Variants in SDK1 observed in about 807,000 individuals in gnomAD.
SDK1 encodes the protein protein sidekick-1.
Under a neutral mutation model 245.5 loss-of-function variants are expected in SDK1, and 157 were observed. That is an observed-to-expected ratio of 0.64 (90% confidence interval 0.56 to 0.73). The LOEUF is 0.73. SDK1 is among the 30% of genes least tolerant of loss of function. The pLI is 0.00. For missense variants in SDK1, 3,583 were observed against 3,002.3 expected (o/e 1.19, Z -4.52); for synonymous variants, 1,647 against 1,278.5 (o/e 1.29, Z -6.15).
intron 5 of SDK1, among the ~76,000 whole-genome samples, chr7:3,846,355 C>G (rs936302215): frequency 1.3e-5 from 2 of 152,268 alleles, no homozygotes; most frequent in Non-Finnish European, 1.5e-5. Flanking sequence ...TCTAAATGTG[C>G]TTGGGGAATT....
chr7:3,537,440 C>A (rs1255813584), intron 1 of SDK1, among the ~76,000 whole-genome samples: 1 of 152,206 alleles, frequency 6.6e-6, no homozygotes, highest in East Asian at 1.9e-4. Flanking sequence ...AGGCCCCCGA[C>A]TGGAAATCCG....
chr7:3,566,218 C>T (rs530499281), intron 1 of SDK1, among the ~76,000 whole-genome samples: 489 of 138,172 alleles, frequency 3.5e-3, no homozygotes, highest in Non-Finnish European at 5.7e-3. Context: ...ACTTGATAAA[C>T]TTCTTCTTTT....
At chr7:4,224,982 C>CAAAAAAAAAAAAAA (rs3038664) in intron 40 of SDK1, among the ~76,000 whole-genome samples, 1 of 43,714 alleles carries the variant, frequency 2.3e-5, no homozygotes, top group Non-Finnish European at 4.6e-5. Context: ...GACTCTGTCT[C>CAAAAAAAAAAAAAA]AAAAAAAAAA....
chr7:3,951,792 A>G lies in SDK1; in HGVS notation c.1022A>G (p.His341Arg). The part of the protein sequence containing the change: ...RNGVRITSGL[H>R]SFGRRLTISN... Reference sequence around the variant, plus strand: ...GGAGTGAGAATCACCAGTGGCCTCCACAGCTTTGGAAGACGCCTCACCATC... The same window carrying G: ...GGAGTGAGAATCACCAGTGGCCTCCGCAGCTTTGGAAGACGCCTCACCATC... Residue 341 changes from histidine to arginine, a missense_variant, in exon 7 of 45, where the codon CAC (histidine) becomes CGC (arginine). Transcript: ENST00000404826. 1 of 1,613,842 alleles carries G rather than the reference A, an allele frequency of 6.2e-7. No individual in the cohort carries two copies. The highest frequency in any genetic ancestry group is 8.5e-7 in the Non-Finnish European group (1 of 1,179,948).
chr7:4,205,123 G>A (rs542702376), intron 35 of SDK1, among the ~76,000 whole-genome samples: 2 of 152,122 alleles, frequency 1.3e-5, no homozygotes, highest in Admixed American at 6.5e-5. Context: ...CGAGGGGGCT[G>A]GAGGGGAAGA....
intron 33 of SDK1, among the ~76,000 whole-genome samples, chr7:4,174,800 A>G (rs1040579365): frequency 3.3e-5 from 5 of 152,074 alleles, no homozygotes; most frequent in African/African-American, 7.2e-5. Flanking sequence ...CTCTGCCTGC[A>G]CTGCGCCATG....
intron 17 of SDK1, among the ~76,000 whole-genome samples, chr7:4,048,478 T>C (rs1789185638): frequency 1.3e-5 from 2 of 150,368 alleles, no homozygotes; most frequent in Non-Finnish European, 3.0e-5. Flanking sequence ...GCACCCCGCT[T>C]CCCCCCACCC....
At chr7:3,909,524 C>G (rs1779080723) in intron 5 of SDK1, among the ~76,000 whole-genome samples, 1 of 152,228 alleles carries the variant, frequency 6.6e-6, no homozygotes, top group Non-Finnish European at 1.5e-5. Context: ...ATCCCTACCT[C>G]TCCCAAAGAC....
chr7:3,974,489 C>G lies in SDK1; in HGVS notation c.1938C>G (p.Ser646Arg). ...QTWSGDIGDYSCEIVSEGGND... is the reference protein window; with the variant it reads ...QTWSGDIGDYRCEIVSEGGND... ...GGTCAGGCGACATCGGTGACTACAG[C>G]TGCGAGATTGTTTCTGAAGGAGGGA... Residue 646 changes from serine (S) to arginine (R), a missense_variant, in exon 13 of 45, where the codon AGC (serine) becomes AGG (arginine). Ser to Arg is a moderately radical substitution (Grantham distance 110). Coordinates refer to ENST00000404826, the MANE Select transcript of SDK1 (RefSeq NM_152744.4). 6.2e-7 allele frequency: 1 copy of G among 1,614,136 alleles called. No individual in the cohort carries two copies. The highest frequency in any genetic ancestry group is 8.5e-7 in the Non-Finnish European group (1 of 1,180,018).
intron 4 of SDK1, among the ~76,000 whole-genome samples, chr7:3,697,602 C>T (rs756306223): frequency 6.6e-6 from 1 of 152,088 alleles, no homozygotes; most frequent in Non-Finnish European, 1.5e-5. Context: ...ATTCTTTGAC[C>T]ATCTTCATCC....
intron 1 of SDK1, among the ~76,000 whole-genome samples, chr7:3,456,285 A>G (rs1780662945): frequency 6.6e-6 from 1 of 152,130 alleles, no homozygotes; most frequent in African/African-American, 2.4e-5. Flanking sequence ...TTTAGCCATC[A>G]TTTCTTTAAA....
At chr7:3,831,195 A>T (rs1779904315) in intron 5 of SDK1, among the ~76,000 whole-genome samples, 1 of 152,220 alleles carries the variant, frequency 6.6e-6, no homozygotes, top group Non-Finnish European at 1.5e-5. Context: ...ATTGGCCGAG[A>T]TGAGACCACA....
At chr7:4,167,458 C>A (rs1421632124) in intron 32 of SDK1, among the ~76,000 whole-genome samples, 2 of 152,182 alleles carry the variant, frequency 1.3e-5, no homozygotes, top group Non-Finnish European at 1.5e-5. Flanking sequence ...AAATGAAGAA[C>A]CTCCAGGAGG....
At chr7:4,170,444 C>G (rs781556920) in intron 32 of SDK1, among the ~76,000 whole-genome samples, 15 of 151,726 alleles carry the variant, frequency 9.9e-5, no homozygotes, top group Non-Finnish European at 1.2e-4. Flanking sequence ...GAGATCCTGT[C>G]TCAAAAAAAA....
At chr7:3,789,456 C>A (rs1015610997) in intron 4 of SDK1, among the ~76,000 whole-genome samples, 3 of 152,140 alleles carry the variant, frequency 2.0e-5, no homozygotes, top group Admixed American at 2.0e-4. Flanking sequence ...CCTGTAACTG[C>A]TTTTCTACTT....
At chr7:3,345,917 G>T (rs555382103) in intron 1 of SDK1, among the ~76,000 whole-genome samples, 5 of 152,300 alleles carry the variant, frequency 3.3e-5, no homozygotes, top group African/African-American at 1.2e-4. Flanking sequence ...TGTTGGAATT[G>T]CAGTGTCATC....
intron 14 of SDK1, among the ~76,000 whole-genome samples, chr7:3,988,027 C>T (rs1583742162): frequency 1.3e-5 from 2 of 152,184 alleles, no homozygotes; most frequent in African/African-American, 2.4e-5. Flanking sequence ...ATCCTTCACC[C>T]AGGATTCCAG....
chr7:3,409,297 G>GTT (rs5881980), intron 1 of SDK1, among the ~76,000 whole-genome samples: 1 of 136,854 alleles, frequency 7.3e-6, no homozygotes, highest in Non-Finnish European at 1.6e-5. Flanking sequence ...TTCTATTATG[G>GTT]TTTTTTTTTT....
At chr7:3,735,380 G>A (rs1779291412) in intron 4 of SDK1, among the ~76,000 whole-genome samples, 1 of 152,120 alleles carries the variant, frequency 6.6e-6, no homozygotes, top group South Asian at 2.1e-4. Flanking sequence ...CTATGAGTTT[G>A]ACTACTCTAG....
Sources: allele counts gnomAD v4.1 joint callset (sites outside exome capture counted in the v4.1 genomes callset), GRCh38; gene constraint gnomAD v4.1.1; transcripts MANE v1.5; gene names NCBI Gene and HGNC (gene_info 2026-07-23, HGNC 2026-07-21).